Variants in TRIM55 observed in about 807,000 individuals in gnomAD.
TRIM55 encodes tripartite motif containing 55, also known as tripartite motif-containing protein 55.
Under a neutral mutation model 60.9 loss-of-function variants are expected in TRIM55, and 50 were observed. That is an observed-to-expected ratio of 0.82 (90% CI 0.65 to 1.04). The LOEUF (loss-of-function observed/expected upper bound fraction) is 1.04. Ranked by LOEUF, TRIM55 falls within the 50% of genes least tolerant of loss-of-function variation. TRIM55 has a pLI of 0.00. For synonymous variants in TRIM55, 237 were observed against 238.1 expected, an observed-to-expected ratio of 1.00 and a Z score of 0.04; for missense variants, 681 against 666.9, an observed-to-expected ratio of 1.02 and a Z score of -0.23.
At chr8:66,164,541 G>C (rs554838283) in intron 9 of TRIM55, among the ~76,000 whole-genome samples, 1 of 152,300 alleles carries the variant, frequency 6.6e-6, no homozygotes, top group Admixed American at 6.5e-5. Flanking sequence ...GGCTGAGAAA[G>C]TCCAATGGTT....
At chr8:66,114,855 T>C in the TRIM55 span, 10 of 320,770 alleles carry the variant, frequency 3.1e-5, no homozygotes, top group Non-Finnish European at 5.0e-5. Flanking sequence ...CTGTGGAAGT[T>C]AACTGTGGAG....
the TRIM55 span, among the ~76,000 whole-genome samples, chr8:66,113,982 C>G: frequency 6.6e-6 from 1 of 152,018 alleles, no homozygotes. Context: ...GAAGCTGTGC[C>G]CGCTCCCTTC....
At chr8:66,142,439 C>A (rs1460269186) in intron 4 of TRIM55, among the ~76,000 whole-genome samples, 1 of 152,216 alleles carries the variant, frequency 6.6e-6, no homozygotes, top group East Asian at 1.9e-4. Flanking sequence ...AACATGGTGA[C>A]TACCCACAGC....
chr8:66,163,377 A>G (rs930971495), intron 9 of TRIM55, among the ~76,000 whole-genome samples: 4 of 151,806 alleles, frequency 2.6e-5, no homozygotes, highest in African/African-American at 9.7e-5. Context: ...TTGACATGAG[A>G]TTTTTCTTGC....
the TRIM55 span, among the ~76,000 whole-genome samples, chr8:66,114,026 C>T: frequency 6.7e-6 from 1 of 150,126 alleles, no homozygotes; most frequent in South Asian, 2.1e-4. Context: ...GGACTGTAGG[C>T]GCGCGCCCGT....
chr8:66,175,082 G>A lies in TRIM55; in HGVS notation c.*489G>A, dbSNP rs1040472070. ...GACAAAAAGTAAATCATTGACCAAA[G>A]CTATGAAATGTTTCACAAAGTTTTC... On this transcript the variant is annotated 3_prime_UTR_variant, in exon 10 of 10. Transcript: ENST00000315962. 6.6e-6 allele frequency: 1 copy of A among 152,656 alleles called. No individual in the cohort carries two copies. Among genetic ancestry groups the A allele is most frequent in the Non-Finnish European group, 1.5e-5 (1 of 68,056 alleles). The allele number at this position is 152,656 out of a possible 1,614,324, so 9.5% of individuals were successfully genotyped here. A position where few individuals can be genotyped will look rare whatever the true frequency, so the allele number is the denominator to read the frequency against.
chr8:66,142,079 G>T (rs1809849118), intron 4 of TRIM55, among the ~76,000 whole-genome samples: 1 of 152,200 alleles, frequency 6.6e-6, no homozygotes, highest in East Asian at 1.9e-4. Context: ...CGTTACAGTG[G>T]GGATGATAAT....
chr8:66,160,459 G>A (rs1372959323), intron 9 of TRIM55, among the ~76,000 whole-genome samples: 1 of 151,984 alleles, frequency 6.6e-6, no homozygotes, highest in Non-Finnish European at 1.5e-5. Context: ...ATTGTGAATT[G>A]TGCTGCTATA....
intron 9 of TRIM55, chr8:66,155,500 A>G (rs1420829812): frequency 9.6e-6 from 6 of 624,384 alleles, no homozygotes; most frequent in African/African-American, 1.8e-5. Context: ...TGAAAACAGT[A>G]GTGCACTACC....
chr8:66,134,022 A>G (rs1809331376), intron 2 of TRIM55, among the ~76,000 whole-genome samples: 1 of 152,210 alleles, frequency 6.6e-6, no homozygotes, highest in Non-Finnish European at 1.5e-5. Context: ...TCGAACAGCA[A>G]TACTTATTTT....
At chr8:66,132,941 G>T (rs76268350) in intron 2 of TRIM55, among the ~76,000 whole-genome samples, 3 of 152,266 alleles carry the variant, frequency 2.0e-5, no homozygotes, top group East Asian at 1.9e-4. Context: ...TTCAATATTT[G>T]CATATACTGC....
At chr8:66,150,121 T>G in intron 5 of TRIM55, 96 bp from the exon 6 acceptor site, 1 of 1,402,944 alleles carries the variant, frequency 7.1e-7, no homozygotes, top group South Asian at 1.3e-5. Flanking sequence ...GAAACTAAGC[T>G]ATGAGATTCT....
At chr8:66,136,467 A>G (rs1809486806) in intron 3 of TRIM55, among the ~76,000 whole-genome samples, 1 of 152,196 alleles carries the variant, frequency 6.6e-6, no homozygotes, top group African/African-American at 2.4e-5. Context: ...GTAGAGTTGG[A>G]CCAAGCGCAT....
At chr8:66,150,488 T>C in intron 7 of TRIM55, 22 bp downstream of exon 7, 1 of 1,613,064 alleles carries the variant, frequency 6.2e-7, no homozygotes. Context: ...TTTTGACCAT[T>C]TGGCCGAAGT....
At chr8:66,146,379 T>C (rs1055018088) in intron 4 of TRIM55, among the ~76,000 whole-genome samples, 1 of 152,196 alleles carries the variant, frequency 6.6e-6, no homozygotes, top group Non-Finnish European at 1.5e-5. Context: ...AAAAAAATTA[T>C]ATGGTCAAAA....
rs528578565 is a variant in TRIM55, at chr8:66,166,094, A to G, written c.1525-8377A>G. Among the ~76,000 whole-genome samples the G allele has an allele frequency of 3.9e-5, 6 of 152,198 alleles. No homozygotes were observed. In the East Asian group the frequency reaches 7.7e-4, roughly 20 times the overall value. ...TCACTATATCTCCTATTAACTGTCA[A>G]TTTGGGGGTTTTACCAGAAGGACAA... On this transcript the variant is annotated intron_variant, in intron 9 of 9. Transcript: ENST00000315962.
chr8:66,117,525 A>G, the TRIM55 span, among the ~76,000 whole-genome samples: 1 of 152,232 alleles, frequency 6.6e-6, no homozygotes, highest in Non-Finnish European at 1.5e-5. Context: ...ATTTCTCTGG[A>G]CAGTGCAAGT....
the TRIM55 span, among the ~76,000 whole-genome samples, chr8:66,121,263 A>G: frequency 6.6e-6 from 1 of 152,218 alleles, no homozygotes; most frequent in East Asian, 1.9e-4. Flanking sequence ...ATGTGTCTTA[A>G]CATACTCCAG....
upstream of TRIM55, among the ~76,000 whole-genome samples, chr8:66,123,276 A>G (rs575724939): frequency 6.6e-6 from 1 of 152,292 alleles, no homozygotes; most frequent in East Asian, 1.9e-4. Flanking sequence ...ATCCCCACAT[A>G]TATTGATTGA....
Sources: gnomAD v4.1 joint callset for allele counts (sites outside exome capture counted in the v4.1 genomes callset) on GRCh38, gnomAD v4.1.1 for gene constraint, MANE v1.5 for transcripts, NCBI Gene and HGNC (gene_info 2026-07-23, HGNC 2026-07-21) for gene names.